Variants in RAB3IP observed in about 807,000 individuals in gnomAD.
The protein encoded by RAB3IP is rab-3A-interacting protein.
In RAB3IP, 36 loss-of-function variants were observed where a neutral mutation model predicts 59.1. The observed-to-expected ratio is 0.61, with a 90% confidence interval of 0.47 to 0.80. The LOEUF is 0.80. Among genes scored for constraint, RAB3IP ranks in the 30% least tolerant of loss-of-function variants. RAB3IP has a pLI of 0.00. For missense variants in RAB3IP, 511 were observed against 536.0 expected (o/e 0.95, Z 0.46); for synonymous variants, 207 against 191.2 (o/e 1.08, Z -0.68).
chr12:69,806,079 C>A (rs1015486394), intron 8 of RAB3IP, among the ~76,000 whole-genome samples: 2 of 152,186 alleles, frequency 1.3e-5, no homozygotes, highest in African/African-American at 4.8e-5. Context: ...ATGGTACCAG[C>A]TCCTCCTTGT....
intron 6 of RAB3IP, among the ~76,000 whole-genome samples, chr12:69,799,062 C>G (rs1418574992): frequency 1.3e-5 from 2 of 152,080 alleles, no homozygotes; most frequent in East Asian, 3.8e-4. Flanking sequence ...TGCTTATATG[C>G]TAATATTATT....
intron 8 of RAB3IP, among the ~76,000 whole-genome samples, 155 bp downstream of exon 8, chr12:69,801,876 A>G (rs186558629): frequency 1.0e-3 from 159 of 151,436 alleles, no homozygotes; most frequent in African/African-American, 3.8e-3. Flanking sequence ...AATTCCTGAG[A>G]CAGTGTGGAA....
chr12:69,788,290 A>G (rs1004059596), intron 4 of RAB3IP, among the ~76,000 whole-genome samples: 1 of 152,104 alleles, frequency 6.6e-6, no homozygotes, highest in Non-Finnish European at 1.5e-5. Context: ...TAAAACCTAG[A>G]TGGTACAGCC....
chr12:69,792,671 TC>T, intron 4 of RAB3IP, among the ~76,000 whole-genome samples: 1 of 152,342 alleles, frequency 6.6e-6, no homozygotes, highest in Non-Finnish European at 1.5e-5. Flanking sequence ...TAGCAACTGA[TC>T]CTGCCCCAGT....
At chr12:69,770,462 T>C (rs1365686803) in intron 3 of RAB3IP, among the ~76,000 whole-genome samples, 1 of 152,216 alleles carries the variant, frequency 6.6e-6, no homozygotes, top group Non-Finnish European at 1.5e-5. Context: ...CTTATACAAA[T>C]TTGTATTTTT....
At chr12:69,782,245 A>G (rs1008807212) in intron 3 of RAB3IP, among the ~76,000 whole-genome samples, 5 of 152,124 alleles carry the variant, frequency 3.3e-5, no homozygotes, top group Admixed American at 6.6e-5. Context: ...GCTCACTGCA[A>G]TCTCCACCTC....
chr12:69,800,345 T>G lies in RAB3IP; in HGVS notation c.1017+8T>G, dbSNP rs764093923. 7.8e-6 allele frequency: 12 copies of G among 1,534,472 alleles called. No individual in the cohort carries two copies. Among genetic ancestry groups the G allele is most frequent in the Non-Finnish European group, 1.1e-5 (12 of 1,131,578 alleles). ...ACATTCTCAAAAAGTGAGGTAATTT[T>G]TTTTCATTTTAGTAGGAATTCATTA... is the stretch of plus-strand genomic sequence containing the variant. On this transcript the variant is annotated splice_region_variant and intron_variant, in intron 7 of 10. Transcript: ENST00000247833.
chr12:69,802,667 G>T (rs1216408435), intron 8 of RAB3IP, among the ~76,000 whole-genome samples: 2 of 152,228 alleles, frequency 1.3e-5, no homozygotes, highest in African/African-American at 4.8e-5. Context: ...ACTGACTGCT[G>T]TCAGGGTTAT....
chr12:69,757,463 C>A (rs983593820), intron 3 of RAB3IP, among the ~76,000 whole-genome samples: 3 of 152,110 alleles, frequency 2.0e-5, no homozygotes, highest in Non-Finnish European at 4.4e-5. Context: ...AAAAAGAAGA[C>A]AGATTTATCA....
At chr12:69,803,797 C>T (rs1215686112) in intron 8 of RAB3IP, among the ~76,000 whole-genome samples, 1 of 152,128 alleles carries the variant, frequency 6.6e-6, no homozygotes, top group Non-Finnish European at 1.5e-5. Flanking sequence ...TGGTTTCCAG[C>T]TTCATCCATG....
intron 3 of RAB3IP, among the ~76,000 whole-genome samples, chr12:69,756,972 GT>G (rs1177721754): frequency 6.6e-6 from 1 of 152,142 alleles, no homozygotes; most frequent in South Asian, 2.1e-4. Context: ...CACATGCAGG[GT>G]TTTTCCTTCT....
chr12:69,802,727 T>G (rs78217109), intron 8 of RAB3IP, among the ~76,000 whole-genome samples: 2 of 152,212 alleles, frequency 1.3e-5, no homozygotes, highest in African/African-American at 4.8e-5. Context: ...AATAGGTCTG[T>G]GTTAAAGCTG....
chr12:69,760,718 T>C, intron 3 of RAB3IP, among the ~76,000 whole-genome samples: 1 of 152,022 alleles, frequency 6.6e-6, no homozygotes, highest in Non-Finnish European at 1.5e-5. Context: ...ACTGTAAAGA[T>C]GTTGCTTCAG....
In RAB3IP at chr12:69,818,168, T is replaced by C. The variant is rs1024432304; in HGVS notation, c.*2722T>C. 1 of 152,272 alleles carries C rather than the reference T, an allele frequency of 6.6e-6. No homozygotes were observed. Among genetic ancestry groups the C allele is most frequent in the Non-Finnish European group, 1.5e-5 (1 of 68,128 alleles). The allele number at this position is 152,272 out of a possible 1,614,324, so 9.4% of individuals were successfully genotyped here. On this transcript the variant is annotated 3_prime_UTR_variant, in exon 11 of 11. Coordinates refer to ENST00000247833, the MANE Select transcript of RAB3IP (RefSeq NM_022456.5). ...TGTGAAAAACCATTCACTAGAAAAGTTGGGCCAGGCCCAGTGGCTCATGCC... is the reference window on the plus strand; with the variant it reads ...TGTGAAAAACCATTCACTAGAAAAGCTGGGCCAGGCCCAGTGGCTCATGCC...
intron 1 of RAB3IP, chr12:69,739,577 T>A: frequency 1.8e-6 from 1 of 557,786 alleles, no homozygotes; most frequent in South Asian, 2.0e-5. Flanking sequence ...CGAGGCACCG[T>A]GCTGAGGCGT....
intron 3 of RAB3IP, among the ~76,000 whole-genome samples, chr12:69,763,229 T>C (rs928917400): frequency 3.3e-5 from 5 of 152,212 alleles, no homozygotes; most frequent in Non-Finnish European, 5.9e-5. Context: ...ATGGAAACTC[T>C]CACAAAATTG....
chr12:69,790,093 A>G lies in RAB3IP; in HGVS notation c.607-4344A>G. ...ATGTTAGAGCAATCAGTCAAGAAAA[A>G]GAAAAGGCAACCAAATTGGAAAGGA... On this transcript the variant is annotated intron_variant, in intron 4 of 10. Transcript: ENST00000247833. Among the ~76,000 whole-genome samples, 2 of 152,200 alleles carry G rather than the reference A, an allele frequency of 1.3e-5. 1 individual carries two copies. Among genetic ancestry groups the G allele is most frequent in the Non-Finnish European group, 2.9e-5 (2 of 68,030 alleles).
intron 1 of RAB3IP, chr12:69,739,641 C>T (rs922899842): frequency 5.0e-6 from 3 of 604,966 alleles, no homozygotes; most frequent in Non-Finnish European, 8.8e-6. Context: ...TCCGGGCAGG[C>T]GCCCGGAGTC....
chr12:69,800,392 T>A, intron 7 of RAB3IP, 55 bp downstream of exon 7: 1 of 1,075,786 alleles, frequency 9.3e-7, no homozygotes, highest in South Asian at 1.7e-5. Flanking sequence ...GTACTTCTTT[T>A]AAACTAAATC....
Sources: allele counts gnomAD v4.1 joint callset (sites outside exome capture counted in the v4.1 genomes callset), GRCh38; gene constraint gnomAD v4.1.1; transcripts MANE v1.5; gene names NCBI Gene and HGNC (gene_info 2026-07-23, HGNC 2026-07-21).